Variants in CDH22 observed in about 807,000 individuals in gnomAD.
CDH22 encodes cadherin 22.
Under a neutral mutation model 58.4 loss-of-function variants are expected in CDH22, and 30 were observed. That is an observed-to-expected ratio of 0.51 (90% CI 0.38 to 0.70). CDH22 has a LOEUF of 0.70. Ranked by LOEUF, CDH22 falls within the 30% of genes least tolerant of loss-of-function variation. CDH22 has a pLI of 0.00. For missense variants in CDH22, 1,014 were observed against 1,233.9 expected, an observed-to-expected ratio of 0.82 and a Z score of 2.67; for synonymous variants, 513 against 558.2, an observed-to-expected ratio of 0.92 and a Z score of 1.14.
At chr20:46,217,443 TACAC>T (rs950609397) in intron 4 of CDH22, among the ~76,000 whole-genome samples, 2 of 151,792 alleles carry the variant, frequency 1.3e-5, no homozygotes, top group Admixed American at 1.3e-4. Context: ...CACACACAGA[TACAC>T]ACAGATACAT....
chr20:46,253,420 G>A (rs1337393059), intron 1 of CDH22, among the ~76,000 whole-genome samples: 1 of 152,102 alleles, frequency 6.6e-6, no homozygotes, highest in African/African-American at 2.4e-5. Flanking sequence ...GGGAGGGATG[G>A]AGGGAGGGGT....
intron 1 of CDH22, among the ~76,000 whole-genome samples, chr20:46,289,607 C>A (rs1417825151): frequency 6.6e-6 from 1 of 152,204 alleles, no homozygotes; most frequent in Non-Finnish European, 1.5e-5. Flanking sequence ...TGGTGTCCAA[C>A]ACAGAGTCTG....
chr20:46,288,738 C>A (rs2086587100), intron 1 of CDH22, among the ~76,000 whole-genome samples: 2 of 152,108 alleles, frequency 1.3e-5, no homozygotes, highest in Non-Finnish European at 2.9e-5. Flanking sequence ...GACTTCACAC[C>A]CCACATCCAA....
At chr20:46,232,714 C>G (rs914543229) in intron 3 of CDH22, among the ~76,000 whole-genome samples, 10 of 152,290 alleles carry the variant, frequency 6.6e-5, no homozygotes, top group Non-Finnish European at 1.3e-4. Flanking sequence ...TCTCTGGGAA[C>G]GCTCAGATTA....
chr20:46,266,825 G>T (rs1600721872), intron 1 of CDH22, among the ~76,000 whole-genome samples: 1 of 152,068 alleles, frequency 6.6e-6, no homozygotes, highest in Admixed American at 6.5e-5. Context: ...GCAAGGTGAG[G>T]CTTGTTCAAA....
At chr20:46,256,362 A>C (rs2086406615) in intron 1 of CDH22, among the ~76,000 whole-genome samples, 1 of 152,210 alleles carries the variant, frequency 6.6e-6, no homozygotes, top group Non-Finnish European at 1.5e-5. Flanking sequence ...TCATTTAAAC[A>C]GGGTAGCCAG....
rs753926842 is a variant in CDH22 at position 46,217,004 on chromosome 20, G to C, written c.671-11C>G. 8 of 1,580,742 alleles carry C rather than the reference G, an allele frequency of 5.1e-6. No individual in the cohort carries two copies. The highest frequency in any genetic ancestry group is 1.1e-5 in the South Asian group (1 of 90,330). On this transcript the variant is annotated splice_polypyrimidine_tract_variant and intron_variant, in intron 4 of 11. Transcript: ENST00000537909. ...CCGTCCGGATTACGCCTGTGGGTGA[G>C]TGAGGGTGAGGCCAGGGCACCCCAC...
At position 46,178,167 on chromosome 20, in the gene CDH22, A is replaced by T; in HGVS notation, c.1694T>A (p.Val565Glu). Residue 565 changes from valine to glutamate, a missense_variant, in exon 11 of 12, where the codon GTG becomes GAG. Around this residue, in one of 2 missense-constraint regions of CDH22, gnomAD observed 806 missense variants for 1,038.7 expected, o/e 0.78. Transcript: ENST00000537909. The part of the protein sequence containing the change: ...DNTAAVHTQH[V>E]GFNRQEQDVF... The stretch of plus-strand genomic sequence containing the variant: ...GTCCTGCTCCTGCCGGTTGAAGCCC[A>T]CGTGCTGCGTGTGCACTGCAGCGGT... 1.2e-6 allele frequency: 2 copies of T among 1,613,956 alleles called. No homozygotes were observed. Among genetic ancestry groups the T allele is most frequent in the Non-Finnish European group, 1.7e-6 (2 of 1,179,982 alleles).
intron 2 of CDH22, among the ~76,000 whole-genome samples, chr20:46,244,430 G>T (rs1347251287): frequency 6.6e-6 from 1 of 152,228 alleles, no homozygotes; most frequent in Admixed American, 6.5e-5. Flanking sequence ...AAGAGGGAGT[G>T]CCTCTGGCTC....
Position 46,210,375 on chromosome 20 carries a change from G to C in CDH22, c.1218C>G (p.Asp406Glu). The change falls in exon 7 of 12, where the codon GAC (aspartate) becomes GAG (glutamate). Residue 406 changes from aspartate (D) to glutamate (E), a missense_variant. By Grantham distance (45) the Asp-to-Glu change is conservative. Around this residue, in one of 2 missense-constraint regions of CDH22, gnomAD observed 806 missense variants for 1,038.7 expected, o/e 0.78. Coordinates refer to ENST00000537909, the MANE Select transcript of CDH22 (RefSeq NM_021248.3). The surrounding 1 kb of genome is among the most constrained non-coding windows in gnomAD (Gnocchi z 4.5). ...CGCCGACCAGGGAGCCCACCTGCGC[G>C]TCCTCCTGCACCTCCAGGAGGCCGG... Reference protein sequence around the residue: ...PPSGLLEVQEDAQVGSLVGVV... With the variant: ...PPSGLLEVQEEAQVGSLVGVV... 6.7e-7 allele frequency: 1 copy of C among 1,484,932 alleles called. No homozygotes were observed. The highest frequency in any genetic ancestry group is 8.9e-7 in the Non-Finnish European group (1 of 1,121,094). The allele number at this position is 1,484,932 out of a possible 1,614,324, so 92.0% of individuals were successfully genotyped here.
At chr20:46,256,525 G>C (rs1277668017) in intron 1 of CDH22, among the ~76,000 whole-genome samples, 1 of 152,130 alleles carries the variant, frequency 6.6e-6, no homozygotes, top group Non-Finnish European at 1.5e-5. Flanking sequence ...TGGGAAGGAG[G>C]AACATCGGGG....
In CDH22 at chr20:46,193,839, T is replaced by C. The variant is rs184824510; in HGVS notation, c.1423+5584A>G. On this transcript the variant is annotated intron_variant, in intron 8 of 11. Coordinates refer to ENST00000537909, the MANE Select transcript of CDH22 (RefSeq NM_021248.3). ...CCTTTCTGCCCATGGAAAAACTTCC[T>C]TGGCCTTTGAAACCCAACTCAGATG... Among the ~76,000 whole-genome samples, 202 of 152,218 alleles carry C rather than the reference T, an allele frequency of 1.3e-3. 1 individual carries two copies. Among genetic ancestry groups the C allele is most frequent in the Admixed American group, 0.012 (181 of 15,288 alleles).
Position 46,300,671 on chromosome 20 carries a change from C to A in CDH22, c.-400+7584G>T, listed in dbSNP as rs950568705. On this transcript the variant is annotated intron_variant, in intron 1 of 11. Transcript: ENST00000537909. The surrounding 1 kb of genome is among the most constrained non-coding windows in gnomAD (Gnocchi z 4.4). ...CAACTTTCCAGAGGCCAAAACAGTT[C>A]TCTGCCATCCAGCATCCTTCCCTTC... is the stretch of plus-strand genomic sequence containing the variant. Among the ~76,000 whole-genome samples, 1 of 152,216 alleles carries A rather than the reference C, an allele frequency of 6.6e-6. No homozygotes were observed. Among genetic ancestry groups the A allele is most frequent in the African/African-American group, 2.4e-5 (1 of 41,446 alleles).
chr20:46,193,949 T>C (rs1427065360), intron 8 of CDH22, among the ~76,000 whole-genome samples: 3 of 151,806 alleles, frequency 2.0e-5, no homozygotes, highest in Non-Finnish European at 4.4e-5. Context: ...AGCCCAGGAG[T>C]TGGACACAAG....
chr20:46,191,785 G>A (rs1203560340), intron 8 of CDH22, among the ~76,000 whole-genome samples: 1 of 152,080 alleles, frequency 6.6e-6, no homozygotes, highest in East Asian at 1.9e-4. Context: ...TGCCTTCAAG[G>A]CCCTGAACAA....
At position 46,195,548 on chromosome 20, in the gene CDH22, G is replaced by A. The variant is rs116258982; in HGVS notation, c.1423+3875C>T. ...CAGCTTAGGGCTGGATGACTCTTGA[G>A]AGTGTGGCTGGGTGCCCCCCTTGGC... is the stretch of plus-strand genomic sequence containing the variant. On this transcript the variant is annotated intron_variant, in intron 8 of 11. Coordinates refer to ENST00000537909, the MANE Select transcript of CDH22 (RefSeq NM_021248.3). 9.9e-3 allele frequency among the ~76,000 whole-genome samples: 1,503 copies of A among 152,250 alleles called. 20 individuals carry two copies. The highest frequency in any genetic ancestry group is 0.034 in the African/African-American group (1,432 of 41,524).
chr20:46,216,391 C>T lies in CDH22; in HGVS notation c.838+435G>A, dbSNP rs556940277. On this transcript the variant is annotated intron_variant, in intron 5 of 11. Transcript: ENST00000537909. This position sits in a 1 kb window ranked among gnomAD's most constrained non-coding sequence, Gnocchi z 5.3. ...TCTATCTGTCTGGGGGCTGAGCTGC[C>T]TCTGCCTAGATCCCTGGGTGCCCCC... Among the ~76,000 whole-genome samples the T allele has an allele frequency of 2.6e-5, 4 of 152,354 alleles. No individual in the cohort carries two copies. In the East Asian group the frequency reaches 7.7e-4, roughly 29 times the overall value.
chr20:46,230,182 G>C (rs1304963788), intron 3 of CDH22, among the ~76,000 whole-genome samples: 1 of 152,036 alleles, frequency 6.6e-6, no homozygotes, highest in Non-Finnish European at 1.5e-5. Flanking sequence ...GGACCACCTT[G>C]GGGTGGTCCC....
intron 7 of CDH22, among the ~76,000 whole-genome samples, chr20:46,209,611 G>A (rs2086025383): frequency 6.6e-6 from 1 of 152,148 alleles, no homozygotes; most frequent in Non-Finnish European, 1.5e-5. Context: ...AAGAGAAAAC[G>A]GTGGTCGGGA....
Sources: gnomAD v4.1 joint callset for allele counts (sites outside exome capture counted in the v4.1 genomes callset) on GRCh38, gnomAD v4.1.1 for gene constraint, gnomAD v4.1.1 regional missense constraint, Gnocchi (gnomAD v3.1) non-coding constraint, MANE v1.5 for transcripts, NCBI Gene and HGNC (gene_info 2026-07-23, HGNC 2026-07-21) for gene names.